Variants in SLC24A2 observed in about 807,000 individuals in gnomAD.
SLC24A2 encodes sodium/potassium/calcium exchanger 2.
In SLC24A2, 36 loss-of-function variants were observed where a neutral mutation model predicts 62.0. The ratio of observed to expected loss-of-function variants is 0.58; its 90% CI spans 0.44 to 0.77. The LOEUF is 0.77. Ranked by LOEUF, SLC24A2 falls within the 30% of genes least tolerant of loss-of-function variation. SLC24A2 has a pLI of 0.00. For missense variants in SLC24A2, 846 were observed against 817.9 expected (o/e 1.03, Z -0.42); for synonymous variants, 358 against 294.0 (o/e 1.22, Z -2.23).
At chr9:20,253,659 T>C in the SLC24A2 span, among the ~76,000 whole-genome samples, 1 of 152,208 alleles carries the variant, frequency 6.6e-6, no homozygotes, top group African/African-American at 2.4e-5. Context: ...GTACTTTTTA[T>C]TAGCTCGCCA....
chr9:19,562,568 T>A (rs939500603), intron 7 of SLC24A2, among the ~76,000 whole-genome samples: 2 of 152,200 alleles, frequency 1.3e-5, no homozygotes, highest in African/African-American at 4.8e-5. Context: ...TCTTAAGCAG[T>A]TGGTAAATAT....
chr9:19,672,951 T>TATC (rs1819459439), intron 2 of SLC24A2, among the ~76,000 whole-genome samples: 1 of 146,686 alleles, frequency 6.8e-6, no homozygotes. Context: ...TTTTATGGCC[T>TATC]ATCATATGGT....
intron 2 of SLC24A2, among the ~76,000 whole-genome samples, chr9:19,742,197 C>T (rs919378004): frequency 6.6e-6 from 1 of 152,162 alleles, no homozygotes; most frequent in Non-Finnish European, 1.5e-5. Context: ...AATTGAAAAG[C>T]AGATGAGAGG....
At chr9:19,547,308 C>A (rs1586934980) in intron 8 of SLC24A2, among the ~76,000 whole-genome samples, 3 of 152,182 alleles carry the variant, frequency 2.0e-5, no homozygotes, top group African/African-American at 7.2e-5. Context: ...CCGCTGGCTA[C>A]CCTGCCCATT....
At chr9:19,837,408 C>T in the SLC24A2 span, among the ~76,000 whole-genome samples, 1,795 of 134,114 alleles carry the variant, frequency 0.013, 39 homozygotes, top group African/African-American at 0.047. Context: ...GCCGAGATTG[C>T]GCCACTGCAG....
the SLC24A2 span, among the ~76,000 whole-genome samples, chr9:19,916,101 G>A: frequency 3.3e-5 from 5 of 151,986 alleles, no homozygotes; most frequent in African/African-American, 7.2e-5. Flanking sequence ...GTGAGGTAGA[G>A]GTCCAAATCA....
At chr9:20,205,649 T>TAAAAAAAAAAAA in the SLC24A2 span, among the ~76,000 whole-genome samples, 570 of 64,922 alleles carry the variant, frequency 8.8e-3, 2 homozygotes, top group Non-Finnish European at 0.011. Flanking sequence ...AGACTCCATC[T>TAAAAAAAAAAAA]AAAAAAAAAA....
At chr9:19,664,402 G>A (rs1307179128) in intron 2 of SLC24A2, among the ~76,000 whole-genome samples, 1 of 152,172 alleles carries the variant, frequency 6.6e-6, no homozygotes, top group South Asian at 2.1e-4. Context: ...TGAGGCAGGC[G>A]CTGTGAGGAA....
At chr9:19,751,737 C>A (rs1306952120) in intron 2 of SLC24A2, among the ~76,000 whole-genome samples, 1 of 152,174 alleles carries the variant, frequency 6.6e-6, no homozygotes, top group African/African-American at 2.4e-5. Flanking sequence ...ATATGCCAAT[C>A]TGCCCTTCCT....
chr9:19,717,667 C>G (rs1820897782), intron 2 of SLC24A2, among the ~76,000 whole-genome samples: 1 of 152,130 alleles, frequency 6.6e-6, no homozygotes, highest in Non-Finnish European at 1.5e-5. Flanking sequence ...ATCCTGTTCA[C>G]TTGTTCTGGG....
At chr9:20,094,110 T>C in the SLC24A2 span, among the ~76,000 whole-genome samples, 3 of 152,198 alleles carry the variant, frequency 2.0e-5, no homozygotes, top group Admixed American at 6.5e-5. Context: ...GAAGCAATGA[T>C]GCCTTGACAA....
At chr9:20,143,499 T>C in the SLC24A2 span, among the ~76,000 whole-genome samples, 1 of 152,198 alleles carries the variant, frequency 6.6e-6, no homozygotes, top group African/African-American at 2.4e-5. Flanking sequence ...GCCAGGCAGT[T>C]TGTCTACTGC....
the SLC24A2 span, among the ~76,000 whole-genome samples, chr9:19,827,001 A>T: frequency 1.3e-5 from 2 of 152,058 alleles, no homozygotes; most frequent in Non-Finnish European, 2.9e-5. Context: ...ATATATAGAG[A>T]CATTTTCAAC....
At chr9:19,600,283 C>T (rs1836808856) in intron 4 of SLC24A2, among the ~76,000 whole-genome samples, 1 of 152,216 alleles carries the variant, frequency 6.6e-6, no homozygotes, top group African/African-American at 2.4e-5. Context: ...GCCCACGTTA[C>T]TGAGATGTGA....
At chr9:20,296,734 C>G in the SLC24A2 span, among the ~76,000 whole-genome samples, 32 of 152,158 alleles carry the variant, frequency 2.1e-4, no homozygotes, top group Non-Finnish European at 4.6e-4. Context: ...TTCAGATGAC[C>G]ACAGTTATAA....
chr9:20,305,685 A>G, the SLC24A2 span, among the ~76,000 whole-genome samples: 1 of 152,358 alleles, frequency 6.6e-6, no homozygotes, highest in East Asian at 1.9e-4. Context: ...TGCGAAGTCA[A>G]TAGCATTATC....
intron 2 of SLC24A2, among the ~76,000 whole-genome samples, chr9:19,704,348 A>C (rs1045531743): frequency 3.3e-5 from 5 of 152,182 alleles, no homozygotes; most frequent in African/African-American, 7.2e-5. Context: ...GGTAAATTTT[A>C]AAAAATATGC....
the SLC24A2 span, among the ~76,000 whole-genome samples, chr9:20,078,593 A>G: frequency 6.6e-6 from 1 of 152,206 alleles, no homozygotes; most frequent in Admixed American, 6.5e-5. Context: ...CAGGCAGGCC[A>G]TGACTGTGGA....
the SLC24A2 span, among the ~76,000 whole-genome samples, chr9:19,837,818 A>G: frequency 2.0e-5 from 3 of 152,146 alleles, no homozygotes; most frequent in East Asian, 5.8e-4. Context: ...CCCATTCACA[A>G]TTGCTTCAAA....
Sources: allele counts gnomAD v4.1 joint callset (sites outside exome capture counted in the v4.1 genomes callset), GRCh38; gene constraint gnomAD v4.1.1; transcripts MANE v1.5; gene names NCBI Gene and HGNC (gene_info 2026-07-23, HGNC 2026-07-21).